Variants in SLC25A26 observed in about 807,000 individuals in gnomAD.
The protein encoded by SLC25A26 is mitochondrial S-adenosylmethionine carrier protein.
SLC25A26 carries 36 observed loss-of-function variants against 37.8 expected under a neutral mutation model. The observed-to-expected ratio is 0.95, with a 90% CI of 0.73 to 1.26. SLC25A26 has a LOEUF of 1.26. SLC25A26 is among the 50% of genes most tolerant of loss of function. The pLI is 0.00. For missense variants in SLC25A26, 390 were observed against 331.1 expected, an observed-to-expected ratio of 1.18 and a Z score of -1.38; for synonymous variants, 129 against 122.5, an observed-to-expected ratio of 1.05 and a Z score of -0.35.
At chr3:66,359,466 A>G (rs2076648956) in intron 6 of SLC25A26, among the ~76,000 whole-genome samples, 1 of 152,228 alleles carries the variant, frequency 6.6e-6, no homozygotes, top group Non-Finnish European at 1.5e-5. Flanking sequence ...ACTCAGCATT[A>G]TTACCAGCAT....
intron 5 of SLC25A26, among the ~76,000 whole-genome samples, chr3:66,289,681 T>C (rs1030041744): frequency 6.6e-6 from 1 of 152,150 alleles, no homozygotes; most frequent in Admixed American, 6.6e-5. Context: ...GGTTTGTATA[T>C]GTGTTTTGGT....
rs1310808207 is a variant in SLC25A26 at position 66,209,870 on chromosome 3, A to G, written c.-353-10872A>G. On this transcript the variant is annotated intron_variant, in intron 1 of 10. Coordinates refer to the SLC25A26 transcript ENST00000676754. Reference sequence around the variant, plus strand: ...GAGAGGTGTGTATACACACACATATATATATACTCCTCTCTCTCTCTCTCT... The same window carrying G: ...GAGAGGTGTGTATACACACACATATGTATATACTCCTCTCTCTCTCTCTCT... Among the ~76,000 whole-genome samples the G allele has an allele frequency of 3.2e-4, 35 of 110,998 alleles. No homozygotes were observed. The East Asian group carries it at 4.4e-3, about 14-fold the overall frequency. The allele number at this position is 110,998 out of a possible 152,430, so 72.8% of individuals were successfully genotyped here. A position where few individuals can be genotyped will look rare whatever the true frequency, so the allele number is the denominator to read the frequency against.
intron 5 of SLC25A26, among the ~76,000 whole-genome samples, chr3:66,343,958 A>T (rs1229935684): frequency 6.6e-6 from 1 of 152,228 alleles, no homozygotes; most frequent in Non-Finnish European, 1.5e-5. Context: ...AACTACTGTT[A>T]TGGAACTTCG....
At chr3:66,369,364 A>G (rs189480644) in intron 7 of SLC25A26, 114 bp from the exon 8 acceptor site, 40 of 818,032 alleles carry the variant, frequency 4.9e-5, no homozygotes, top group African/African-American at 6.8e-5. Context: ...CTGTTCTTCA[A>G]TCAGCCAGGT....
intron 5 of SLC25A26, among the ~76,000 whole-genome samples, chr3:66,284,920 A>G (rs1193100947): frequency 1.3e-5 from 2 of 152,198 alleles, no homozygotes; most frequent in Non-Finnish European, 2.9e-5. Context: ...ACATAAAAGG[A>G]TAGGAAAGAG....
At chr3:66,324,228 G>A in intron 5 of SLC25A26, 1 of 129,328 alleles carries the variant, frequency 7.7e-6, no homozygotes, top group Middle Eastern at 4.0e-3. Flanking sequence ...GTGTGTGTGT[G>A]TAGTTTGACA....
At chr3:66,150,757 A>C (rs1400457114) in intron 1 of SLC25A26, among the ~76,000 whole-genome samples, 1 of 149,492 alleles carries the variant, frequency 6.7e-6, no homozygotes, top group Admixed American at 6.7e-5. Context: ...GACTGGCTGG[A>C]CATTAGAAGT....
intron 1 of SLC25A26, among the ~76,000 whole-genome samples, chr3:66,209,268 A>ATATATGTATGTATATATAATATATAGC (rs2071238453): frequency 8.6e-5 from 12 of 140,006 alleles, no homozygotes; most frequent in Non-Finnish European, 1.7e-4. Flanking sequence ...ATATGTGTGT[A>ATATATGTATGTATATATAATATATAGC]TATATGTATG....
chr3:66,222,182 ATTT>A (rs373274771), intron 1 of SLC25A26, among the ~76,000 whole-genome samples: 1 of 139,794 alleles, frequency 7.2e-6, no homozygotes, highest in Non-Finnish European at 1.6e-5. Flanking sequence ...AATGTTACTG[ATTT>A]TTTTTTTTTT....
At chr3:66,280,087 G>T (rs1303005644) in intron 5 of SLC25A26, among the ~76,000 whole-genome samples, 1 of 152,086 alleles carries the variant, frequency 6.6e-6, no homozygotes, top group Non-Finnish European at 1.5e-5. Flanking sequence ...GTTTTCCAAG[G>T]TTTTCTCATC....
intron 1 of SLC25A26, among the ~76,000 whole-genome samples, chr3:66,138,850 G>C (rs1323862700): frequency 6.6e-6 from 1 of 152,128 alleles, no homozygotes; most frequent in Non-Finnish European, 1.5e-5. Context: ...CACAGCCACT[G>C]TGTGATTAAT....
intron 5 of SLC25A26, among the ~76,000 whole-genome samples, chr3:66,314,429 C>A (rs995977971): frequency 6.6e-6 from 1 of 151,786 alleles, no homozygotes; most frequent in South Asian, 2.1e-4. Context: ...TATTGATTTG[C>A]GTATGTTGAA....
chr3:66,170,791 GTTTTTTTTTTT>G (rs36147154), intron 1 of SLC25A26, among the ~76,000 whole-genome samples: 316 of 50,900 alleles, frequency 6.2e-3, no homozygotes, highest in African/African-American at 9.8e-3. Flanking sequence ...TGTGATTATT[GTTTTTTTTTTT>G]TTTTTTTTTT....
intron 1 of SLC25A26, among the ~76,000 whole-genome samples, chr3:66,234,944 A>G (rs782663108): frequency 2.0e-5 from 3 of 152,196 alleles, no homozygotes; most frequent in Non-Finnish European, 4.4e-5. Flanking sequence ...AAAAATTACT[A>G]TGTAGGAAAG....
At chr3:66,334,933 A>G (rs1338676118) in intron 5 of SLC25A26, among the ~76,000 whole-genome samples, 1 of 152,042 alleles carries the variant, frequency 6.6e-6, no homozygotes. Context: ...TATTTTTCCT[A>G]CCAACTTTAA....
chr3:66,159,876 C>A (rs1260765561), intron 1 of SLC25A26, among the ~76,000 whole-genome samples: 1 of 152,126 alleles, frequency 6.6e-6, no homozygotes, highest in Non-Finnish European at 1.5e-5. Context: ...TTTCATGACA[C>A]CCCACTGTAA....
intron 6 of SLC25A26, among the ~76,000 whole-genome samples, chr3:66,347,662 GATAC>G (rs1236950620): frequency 6.6e-6 from 1 of 152,132 alleles, no homozygotes; most frequent in African/African-American, 2.4e-5. Context: ...CTGTTATAAA[GATAC>G]ATACATACAT....
intron 1 of SLC25A26, among the ~76,000 whole-genome samples, chr3:66,168,061 G>A (rs1435597613): frequency 6.6e-6 from 1 of 150,990 alleles, no homozygotes; most frequent in Non-Finnish European, 1.5e-5. Context: ...GCCGAGGCAG[G>A]AAAATAGCTT....
At chr3:66,221,258 C>G (rs2071478600) in intron 1 of SLC25A26, 131 bp downstream of exon 1, 2 of 1,023,084 alleles carry the variant, frequency 2.0e-6, no homozygotes, top group East Asian at 6.1e-5. Context: ...GCAGCCAGGT[C>G]TGAGAGGGAG....
Sources: gnomAD v4.1 joint callset for allele counts (sites outside exome capture counted in the v4.1 genomes callset) on GRCh38, gnomAD v4.1.1 for gene constraint, MANE v1.5 for transcripts, NCBI Gene and HGNC (gene_info 2026-07-23, HGNC 2026-07-21) for gene names.